TNRC18: variants seen among roughly 807,000 people sequenced by gnomAD.
TNRC18 encodes the protein trinucleotide repeat-containing gene 18 protein.
TNRC18 carries 69 observed loss-of-function variants against 226.7 expected under a neutral mutation model. That is an observed-to-expected ratio of 0.30 (90% confidence interval 0.25 to 0.37). The LOEUF (loss-of-function observed/expected upper bound fraction) is 0.37, where lower values mean the gene tolerates loss of function less well. TNRC18 is among the 10% of genes least tolerant of loss of function. The pLI, the probability that TNRC18 is intolerant of heterozygous loss-of-function variation, is 1.00. For synonymous variants in TNRC18, 2,449 were observed against 1,927.6 expected (o/e 1.27, Z -7.09); for missense variants, 4,754 against 4,256.6 (o/e 1.12, Z -3.25).
chr7:5,394,455 C>T lies in TNRC18; in HGVS notation c.328G>A (p.Ala110Thr), dbSNP rs1038867745. The T allele has an allele frequency of 2.6e-6, 4 of 1,548,010 alleles. No individual in the cohort carries two copies. The highest frequency in any genetic ancestry group is 1.7e-4 in the Middle Eastern group (1 of 5,736). ...SNLPMVQLWA[A>T]HAHEGFSHLP... ...TGTTCCTTACCTTCATGGGCGTGGGCGGCCCACAGCTGCACCATGGGCAGG... is the reference window on the plus strand; with the variant it reads ...TGTTCCTTACCTTCATGGGCGTGGGTGGCCCACAGCTGCACCATGGGCAGG... Residue 110 changes from alanine to threonine, a missense_variant, in exon 3 of 30, where the codon GCC becomes ACC. Coordinates refer to ENST00000430969, the MANE Select transcript of TNRC18 (RefSeq NM_001080495.3). This position sits in a 1 kb window ranked among gnomAD's most constrained non-coding sequence, Gnocchi z 4.5.
chr7:5,343,619 G>A (rs188462010), intron 18 of TNRC18, among the ~76,000 whole-genome samples: 3 of 152,240 alleles, frequency 2.0e-5, no homozygotes, highest in East Asian at 1.9e-4. Flanking sequence ...TAGAGATGGG[G>A]TCTCGCTCTG....
chr7:5,344,452 T>C (rs953022930), intron 18 of TNRC18, among the ~76,000 whole-genome samples: 1 of 151,874 alleles, frequency 6.6e-6, no homozygotes, highest in Non-Finnish European at 1.5e-5. Context: ...CAGCAAACAA[T>C]GGCAGGGCAT....
chr7:5,382,411 C>G (rs1001278323), intron 5 of TNRC18, among the ~76,000 whole-genome samples: 10 of 152,222 alleles, frequency 6.6e-5, no homozygotes, highest in Non-Finnish European at 8.8e-5. Flanking sequence ...CGACTCCACT[C>G]ACAGGTCACA....
intron 18 of TNRC18, among the ~76,000 whole-genome samples, chr7:5,340,817 G>C (rs375447624): frequency 1.3e-5 from 2 of 152,216 alleles, no homozygotes; most frequent in African/African-American, 4.8e-5. Context: ...AGCCGGTGTT[G>C]ATGGAGAAGC....
chr7:5,352,484 G>A (rs939423621), intron 16 of TNRC18, among the ~76,000 whole-genome samples: 8 of 152,194 alleles, frequency 5.3e-5, no homozygotes, highest in South Asian at 2.1e-4. Flanking sequence ...GGTGACAACC[G>A]CAGAGGACCT....
chr7:5,377,676 G>A lies in TNRC18; in HGVS notation c.2256-100C>T. The A allele has an allele frequency of 7.7e-7, 1 of 1,307,140 alleles. No homozygotes were observed. The highest frequency in any genetic ancestry group is 1.1e-6 in the Non-Finnish European group (1 of 946,556). The allele number at this position is 1,307,140 out of a possible 1,614,324, so 81.0% of individuals were successfully genotyped here. A position where few individuals can be genotyped will look rare whatever the true frequency, so the allele number is the denominator to read the frequency against. On this transcript the variant is annotated intron_variant, in intron 6 of 29. Transcript: ENST00000430969. This position sits in a 1 kb window ranked among gnomAD's most constrained non-coding sequence, Gnocchi z 5.8. ...AAGGAACTGTTTGCCACCAGGCCAT[G>A]AGTCAGGACAACCACTGCTCGGAAC...
Position 5,313,463 on chromosome 7 carries a change from C to T in TNRC18, c.7428G>A (p.Lys2476=). 1 of 1,613,076 alleles carries T rather than the reference C, an allele frequency of 6.2e-7. No homozygotes were observed. Among genetic ancestry groups the T allele is most frequent in the Non-Finnish European group, 8.5e-7 (1 of 1,179,518 alleles). Residue 2476 remains lysine, a synonymous_variant, in exon 27 of 30, where the codon AAG becomes AAA. Transcript: ENST00000430969. The part of the protein sequence containing the change: ...HEGVTSPKSK[K]AKEALLLRED... ...CCCGGAGCAGCAGGGCCTCTTTAGC[C>T]TTCTTGCTTTTGGGTGACGTGACAC...
At position 5,388,071 on chromosome 7, in the gene TNRC18, T is replaced by G; in HGVS notation, c.1753A>C (p.Met585Leu). ...AAHGSGEASA[M>L]QSLIKYSGSF... The stretch of plus-strand genomic sequence containing the variant: ...CCACTGTACTTTATAAGGCTCTGCA[T>G]GGCCGAGGCCTCTCCAGACCCGTGG... Residue 585 changes from methionine (M) to leucine (L), a missense_variant, in exon 5 of 30, where the codon ATG becomes CTG. Physicochemically the swap from Met to Leu is conservative, Grantham distance 15. Transcript: ENST00000430969. 6.4e-7 allele frequency: 1 copy of G among 1,556,554 alleles called. No individual in the cohort carries two copies. The highest frequency in any genetic ancestry group is 8.7e-7 in the Non-Finnish European group (1 of 1,150,730).
chr7:5,316,768 G>A lies in TNRC18; in HGVS notation c.6746-696C>T, dbSNP rs533120324. Among the ~76,000 whole-genome samples the A allele has an allele frequency of 6.6e-5, 10 of 152,320 alleles. No homozygotes were observed. In the East Asian group the frequency reaches 1.2e-3, roughly 18 times the overall value. On this transcript the variant is annotated intron_variant, in intron 24 of 29. Coordinates refer to ENST00000430969, the MANE Select transcript of TNRC18 (RefSeq NM_001080495.3). ...ACCGTGGCATTTCCGGAGAGATGCC[G>A]GGATGAACGTGCAGGAACGGGCTTT...
At position 5,377,779 on chromosome 7, in the gene TNRC18, C is replaced by T; in HGVS notation, c.2255+143G>A. On this transcript the variant is annotated intron_variant, in intron 6 of 29. Transcript: ENST00000430969. The surrounding 1 kb of genome is among the most constrained non-coding windows in gnomAD (Gnocchi z 5.8). The stretch of plus-strand genomic sequence containing the variant: ...TGGCCTGGGCAGGGCTGGCCCGATG[C>T]TGAGGACCAGAGTGACTCCCGCTCT... 2.0e-6 allele frequency: 2 copies of T among 1,004,816 alleles called. No individual in the cohort carries two copies. Among genetic ancestry groups the T allele is most frequent in the Non-Finnish European group, 2.9e-6 (2 of 681,514 alleles). The allele number at this position is 1,004,816 out of a possible 1,614,324, so 62.2% of individuals were successfully genotyped here. A position where few individuals can be genotyped will look rare whatever the true frequency, so the allele number is the denominator to read the frequency against.
intron 4 of TNRC18, 118 bp from the exon 5 acceptor site, chr7:5,389,454 G>GTTTTTTTTTT: frequency 1.6e-6 from 1 of 640,152 alleles, no homozygotes; most frequent in Non-Finnish European, 1.9e-6. Flanking sequence ...CCAGTGTTTT[G>GTTTTTTTTTT]GTTTTGGTTT....
chr7:5,351,732 G>A lies in TNRC18; in HGVS notation c.5470+87C>T, dbSNP rs556103371. 48 of 1,422,122 alleles carry A rather than the reference G, an allele frequency of 3.4e-5. No individual in the cohort carries two copies. In the African/African-American group the frequency reaches 6.0e-4, roughly 18 times the overall value. 88.1% of individuals were successfully genotyped at this position (1,422,122 alleles called of 1,614,324 possible). A position where few individuals can be genotyped will look rare whatever the true frequency, so the allele number is the denominator to read the frequency against. On this transcript the variant is annotated intron_variant, in intron 17 of 29. Transcript: ENST00000430969. ...GGCCTCCTCACCCACCATCTCTCCC[G>A]TGCGCCCACTCGCTTCCCTCTCGCT...
chr7:5,396,912 C>T (rs1780729195), intron 2 of TNRC18, among the ~76,000 whole-genome samples: 1 of 152,232 alleles, frequency 6.6e-6, no homozygotes, highest in Non-Finnish European at 1.5e-5. Flanking sequence ...CACTGACCGC[C>T]TCCCAGGGGC....
At chr7:5,393,654 G>T (rs1463125175) in intron 3 of TNRC18, among the ~76,000 whole-genome samples, 1 of 152,174 alleles carries the variant, frequency 6.6e-6, no homozygotes, top group African/African-American at 2.4e-5. Flanking sequence ...GAAGTACCTA[G>T]CGCCCAACAT....
At chr7:5,320,242 G>T in intron 24 of TNRC18, 76 bp downstream of exon 24, 1 of 1,160,220 alleles carries the variant, frequency 8.6e-7, no homozygotes. Context: ...GCCAGTTAGA[G>T]TTGGGTTTTA....
Position 5,357,008 on chromosome 7 carries a change from T to C in TNRC18, c.5102A>G (p.Lys1701Arg), listed in dbSNP as rs1436396754. 1.9e-6 allele frequency: 3 copies of C among 1,552,328 alleles called. No homozygotes were observed. The highest frequency in any genetic ancestry group is 2.0e-5 in the Admixed American group (1 of 51,002). Residue 1701 changes from lysine (K) to arginine (R), a missense_variant, in exon 16 of 30, where the codon AAA becomes AGA. Physicochemically the swap from Lys to Arg is conservative, Grantham distance 26. Transcript: ENST00000430969. ...GAACCCCACCTCCATCTTCCTGGTTTTGGCTGCCCTTTTGTGTTTACCTTC... is the reference window on the plus strand; with the variant it reads ...GAACCCCACCTCCATCTTCCTGGTTCTGGCTGCCCTTTTGTGTTTACCTTC... Reference protein sequence around the residue: ...SREGKHKRAAKTRKMEVGFKA... With the variant: ...SREGKHKRAARTRKMEVGFKA...
At chr7:5,317,190 C>T (rs1289347534) in intron 24 of TNRC18, among the ~76,000 whole-genome samples, 4 of 152,158 alleles carry the variant, frequency 2.6e-5, no homozygotes, top group Admixed American at 6.6e-5. Flanking sequence ...TGATAAGGTT[C>T]CCTTCATTCA....
chr7:5,356,065 G>A (rs1314276758), intron 16 of TNRC18, among the ~76,000 whole-genome samples: 1 of 151,462 alleles, frequency 6.6e-6, no homozygotes, highest in Non-Finnish European at 1.5e-5. Context: ...TCGGGAGGCA[G>A]AGCCAAGGGA....
Position 5,308,164 on chromosome 7 carries a change from G to A in TNRC18, c.8849C>T (p.Thr2950Ile). The A allele has an allele frequency of 6.3e-7, 1 of 1,582,736 alleles. No homozygotes were observed. Among genetic ancestry groups the A allele is most frequent in the Non-Finnish European group, 8.6e-7 (1 of 1,165,604 alleles). Residue 2950 changes from threonine (T) to isoleucine (I), a missense_variant, in exon 30 of 30, where the codon ACC becomes ATC. Thr to Ile is a moderately conservative substitution (Grantham distance 89). Coordinates refer to ENST00000430969, the MANE Select transcript of TNRC18 (RefSeq NM_001080495.3). The part of the protein sequence containing the change: ...DSEGLYYLAG[T>I]YEPTTGMIFS... The stretch of plus-strand genomic sequence containing the variant: ...GATCATGCCCGTGGTGGGCTCGTAG[G>A]TGCCCGCGAGGTAGTACAGGCCCTC...
Sources: allele counts gnomAD v4.1 joint callset (sites outside exome capture counted in the v4.1 genomes callset), GRCh38; gene constraint gnomAD v4.1.1; non-coding constraint Gnocchi (gnomAD v3.1); transcripts MANE v1.5; gene names NCBI Gene and HGNC (gene_info 2026-07-23, HGNC 2026-07-21).